Variants in ARFIP1 observed in about 807,000 individuals in gnomAD.
ARFIP1 encodes the protein arfaptin-1.
Under a neutral mutation model 42.5 loss-of-function variants are expected in ARFIP1, and 24 were observed. The ratio of observed to expected loss-of-function variants is 0.57; its 90% CI spans 0.41 to 0.80. ARFIP1 has a LOEUF of 0.80. Ranked by LOEUF, ARFIP1 falls within the 30% of genes least tolerant of loss-of-function variation. The pLI is 0.00. For synonymous variants in ARFIP1, 141 were observed against 153.7 expected (o/e 0.92, Z 0.61); for missense variants, 354 against 434.0 (o/e 0.82, Z 1.64).
At chr4:152,869,562 A>G (rs9307898) in intron 3 of ARFIP1, among the ~76,000 whole-genome samples, 17,591 of 151,424 alleles carry the variant, frequency 0.12, 1,065 homozygotes, top group Middle Eastern at 0.17. Flanking sequence ...CAGTCCGTCT[A>G]CCTCAACCTC....
intron 2 of ARFIP1, among the ~76,000 whole-genome samples, chr4:152,836,064 A>G (rs558920306): frequency 6.6e-6 from 1 of 152,304 alleles, no homozygotes; most frequent in East Asian, 1.9e-4. Flanking sequence ...ACCATCTCCA[A>G]CATTGAGAAT....
chr4:152,848,310 A>C (rs1732723949), intron 2 of ARFIP1, among the ~76,000 whole-genome samples: 1 of 152,178 alleles, frequency 6.6e-6, no homozygotes, highest in African/African-American at 2.4e-5. Context: ...AGGGCCTTTC[A>C]ATAAATGGTG....
At chr4:152,828,282 A>G (rs1730993647) in intron 1 of ARFIP1, among the ~76,000 whole-genome samples, 1 of 152,224 alleles carries the variant, frequency 6.6e-6, no homozygotes, top group South Asian at 2.1e-4. Context: ...GCGAGAAACT[A>G]CCAAACTCTG....
rs1738834191 is a variant in ARFIP1, at chr4:152,911,381, A to G, written c.*1162A>G. 6.6e-6 allele frequency: 1 copy of G among 152,490 alleles called. No homozygotes were observed. The highest frequency in any genetic ancestry group is 1.5e-5 in the Non-Finnish European group (1 of 68,040). 9.4% of individuals were successfully genotyped at this position (152,490 alleles called of 1,614,324 possible). A position where few individuals can be genotyped will look rare whatever the true frequency, so the allele number is the denominator to read the frequency against. ...AAAGATTCTTTGATTTGGGTAATGA[A>G]GAGGTAATTTGGGACAGTGTGGTGG... On this transcript the variant is annotated 3_prime_UTR_variant, in exon 9 of 9. Coordinates refer to ENST00000353617, the MANE Select transcript of ARFIP1 (RefSeq NM_001025595.3).
intron 3 of ARFIP1, among the ~76,000 whole-genome samples, chr4:152,863,949 A>G (rs1232382446): frequency 6.6e-6 from 1 of 152,256 alleles, no homozygotes. Context: ...AGAATAGGTT[A>G]TAAAATACTG....
At chr4:152,892,355 T>C (rs1433957384) in intron 8 of ARFIP1, among the ~76,000 whole-genome samples, 6 of 152,324 alleles carry the variant, frequency 3.9e-5, no homozygotes, top group African/African-American at 1.4e-4. Context: ...TTCTTTTGGT[T>C]CTCATGTCAT....
At chr4:152,823,531 A>G (rs1730558285) in intron 1 of ARFIP1, among the ~76,000 whole-genome samples, 2 of 152,228 alleles carry the variant, frequency 1.3e-5, no homozygotes, top group South Asian at 2.1e-4. Context: ...CTGTAATCCC[A>G]GCCCTTTGGG....
At chr4:152,831,013 G>C (rs1273544883) in intron 2 of ARFIP1, among the ~76,000 whole-genome samples, 1 of 152,126 alleles carries the variant, frequency 6.6e-6, no homozygotes, top group Admixed American at 6.6e-5. Context: ...CCAATATAGA[G>C]TGACTCATAG....
intron 8 of ARFIP1, among the ~76,000 whole-genome samples, chr4:152,889,608 ATATATACATATATATAC>A (rs1561173066): frequency 7.8e-6 from 1 of 128,798 alleles, no homozygotes; most frequent in Non-Finnish European, 1.6e-5. Flanking sequence ...TATATATACT[ATATATACATATATATAC>A]TATATAGTAT....
intron 8 of ARFIP1, among the ~76,000 whole-genome samples, chr4:152,907,377 G>A (rs1036291914): frequency 6.6e-6 from 1 of 151,864 alleles, no homozygotes; most frequent in African/African-American, 2.4e-5. Context: ...TTAACATACA[G>A]ACAAAATATA....
intron 2 of ARFIP1, among the ~76,000 whole-genome samples, chr4:152,839,080 C>T (rs1731869891): frequency 6.6e-6 from 1 of 152,084 alleles, no homozygotes; most frequent in Non-Finnish European, 1.5e-5. Context: ...TGGTTTATCA[C>T]ATTTATTGAC....
chr4:152,797,587 A>G (rs959683059), intron 1 of ARFIP1, among the ~76,000 whole-genome samples: 11 of 152,310 alleles, frequency 7.2e-5, no homozygotes, highest in African/African-American at 2.4e-4. Flanking sequence ...TAGAATGGGG[A>G]TATCTTTCTC....
intron 3 of ARFIP1, among the ~76,000 whole-genome samples, chr4:152,867,520 AGAGAGGTGAGACGGGAGAGGGGAGAGGG>A (rs1368686736): frequency 6.6e-6 from 1 of 152,052 alleles, no homozygotes; most frequent in Non-Finnish European, 1.5e-5. Flanking sequence ...GGGGAGAGGG[AGAGAGGTGAGACGGGAGAGGGGAGAGGG>A]GAGAGGGTCT....
chr4:152,882,152 A>G (rs1000836110), intron 6 of ARFIP1, among the ~76,000 whole-genome samples: 2 of 152,204 alleles, frequency 1.3e-5, no homozygotes, highest in Non-Finnish European at 2.9e-5. Flanking sequence ...AGTTTATTCA[A>G]AAAGAATGAA....
intron 8 of ARFIP1, among the ~76,000 whole-genome samples, chr4:152,897,638 G>T (rs577751638): frequency 7.0e-4 from 106 of 152,212 alleles, no homozygotes; most frequent in African/African-American, 2.5e-3. Context: ...AATCATTATT[G>T]CTGTGATGTA....
At chr4:152,815,457 T>C (rs1434119200) in intron 1 of ARFIP1, among the ~76,000 whole-genome samples, 1 of 152,202 alleles carries the variant, frequency 6.6e-6, no homozygotes, top group Non-Finnish European at 1.5e-5. Context: ...GCTTCAAGCT[T>C]TTGTCTGGAC....
chr4:152,824,276 G>A (rs1730635731), intron 1 of ARFIP1, among the ~76,000 whole-genome samples: 1 of 149,928 alleles, frequency 6.7e-6, no homozygotes, highest in South Asian at 2.1e-4. Flanking sequence ...TCATGCCACT[G>A]CACTCCAGCC....
chr4:152,873,383 T>G (rs902136156), intron 5 of ARFIP1, among the ~76,000 whole-genome samples: 2 of 152,194 alleles, frequency 1.3e-5, no homozygotes, highest in Non-Finnish European at 1.5e-5. Context: ...TTCTTTCAGT[T>G]AATACCTTAA....
intron 1 of ARFIP1, among the ~76,000 whole-genome samples, chr4:152,813,806 G>A (rs960564165): frequency 6.6e-6 from 1 of 152,012 alleles, no homozygotes; most frequent in African/African-American, 2.4e-5. Flanking sequence ...AAGCAATTAT[G>A]TGGATTATAA....
Sources: allele counts gnomAD v4.1 joint callset (sites outside exome capture counted in the v4.1 genomes callset), GRCh38; gene constraint gnomAD v4.1.1; transcripts MANE v1.5; gene names NCBI Gene and HGNC (gene_info 2026-07-23, HGNC 2026-07-21).